Variants in LDAH observed in about 807,000 individuals in gnomAD.
LDAH encodes lipid droplet associated hydrolase, also known as lipid droplet-associated hydrolase.
In LDAH, 26 loss-of-function variants were observed where a neutral mutation model predicts 29.6. The ratio of observed to expected loss-of-function variants is 0.88; its 90% CI spans 0.64 to 1.22. The LOEUF is 1.22. LDAH is among the 50% of genes most tolerant of loss of function. The probability of loss-of-function intolerance (pLI) is 0.00; values close to 1 mark genes in which losing one functional copy is unlikely to be tolerated. For synonymous variants in LDAH, 117 were observed against 133.0 expected, an observed-to-expected ratio of 0.88 and a Z score of 0.83; for missense variants, 344 against 387.3, an observed-to-expected ratio of 0.89 and a Z score of 0.94.
At chr2:20,750,261 G>A (rs922586852) in intron 4 of LDAH, among the ~76,000 whole-genome samples, 2 of 152,070 alleles carry the variant, frequency 1.3e-5, no homozygotes, top group African/African-American at 4.8e-5. Context: ...CCTGACCTCA[G>A]GTGATCCACC....
In LDAH at chr2:20,771,430, A is replaced by G. The variant is rs116570976; in HGVS notation, c.468+3380T>C. On this transcript the variant is annotated intron_variant, in intron 4 of 6. Coordinates refer to ENST00000237822, the MANE Select transcript of LDAH (RefSeq NM_021925.4). ...TCATATGTTATAAAACATAATAGCTAACTTATTTTTGGCAAAATGATTAAG... is the reference window on the plus strand; with the variant it reads ...TCATATGTTATAAAACATAATAGCTGACTTATTTTTGGCAAAATGATTAAG... Among the ~76,000 whole-genome samples, 292 of 152,364 alleles carry G rather than the reference A, an allele frequency of 1.9e-3. 4 individuals are homozygous for G. Among genetic ancestry groups the G allele is most frequent in the Admixed American group, 2.3e-3 (35 of 15,308 alleles).
Position 20,790,251 on chromosome 2 carries a change from A to G in LDAH, c.298+4T>C, listed in dbSNP as rs766793181. The G allele has an allele frequency of 3.1e-6, 5 of 1,614,066 alleles. No homozygotes were observed. The highest frequency in any genetic ancestry group is 1.7e-5 in the Admixed American group (1 of 60,000). On this transcript the variant is annotated splice_donor_region_variant and intron_variant, in intron 3 of 6. Transcript: ENST00000237822. ...AAGGAAAGTAGATATTAACAAGGACATACCCTCTGATGTTGTAAGAATCTT... is the reference window on the plus strand; with the variant it reads ...AAGGAAAGTAGATATTAACAAGGACGTACCCTCTGATGTTGTAAGAATCTT...
At chr2:20,682,780 A>G (rs1224687552), downstream of LDAH, among the ~76,000 whole-genome samples, 1 of 152,178 alleles carries the variant, frequency 6.6e-6, no homozygotes, top group Non-Finnish European at 1.5e-5. Context: ...CGAACTTTGG[A>G]GGACATGTGC....
intron 5 of LDAH, among the ~76,000 whole-genome samples, chr2:20,715,803 C>T (rs1665135908): frequency 6.6e-6 from 1 of 152,030 alleles, no homozygotes; most frequent in Non-Finnish European, 1.5e-5. Flanking sequence ...GAATAAAATA[C>T]CTAGGAATAC....
At chr2:20,775,086 A>C (rs1031108931) in intron 3 of LDAH, 107 bp from the exon 4 acceptor site, 2 of 960,536 alleles carry the variant, frequency 2.1e-6, no homozygotes, top group African/African-American at 3.3e-5. Flanking sequence ...ATTTATCGAA[A>C]GCCTACAGTG....
chr2:20,820,225 A>G (rs1480750434), intron 1 of LDAH, among the ~76,000 whole-genome samples: 1 of 152,126 alleles, frequency 6.6e-6, no homozygotes, highest in East Asian at 1.9e-4. Context: ...ATCCCCATCA[A>G]GCTACCAATG....
At chr2:20,798,807 G>A (rs889979921) in intron 2 of LDAH, among the ~76,000 whole-genome samples, 2 of 151,092 alleles carry the variant, frequency 1.3e-5, no homozygotes, top group South Asian at 4.2e-4. Flanking sequence ...GCTTGAACCC[G>A]GGAGGCGGAG....
chr2:20,737,618 A>G (rs1188706219), intron 5 of LDAH, among the ~76,000 whole-genome samples: 1 of 152,176 alleles, frequency 6.6e-6, no homozygotes, highest in Non-Finnish European at 1.5e-5. Flanking sequence ...GAGGGGAAGT[A>G]ACTAAACAAA....
chr2:20,803,212 G>A (rs1032073744), intron 1 of LDAH, among the ~76,000 whole-genome samples: 1 of 152,144 alleles, frequency 6.6e-6, no homozygotes, highest in Admixed American at 6.5e-5. Flanking sequence ...TAATGCCAAG[G>A]CTGAAAAACA....
intron 5 of LDAH, among the ~76,000 whole-genome samples, chr2:20,739,318 C>A (rs1402034025): frequency 6.6e-6 from 1 of 151,362 alleles, no homozygotes; most frequent in Non-Finnish European, 1.5e-5. Flanking sequence ...TATTGTTATC[C>A]CCACATTATA....
At chr2:20,737,975 C>T (rs184136203) in intron 5 of LDAH, among the ~76,000 whole-genome samples, 1 of 151,910 alleles carries the variant, frequency 6.6e-6, no homozygotes, top group Non-Finnish European at 1.5e-5. Flanking sequence ...ATTCTTGGGC[C>T]GGACATGGTG....
chr2:20,757,313 A>G (rs948932316), intron 4 of LDAH, among the ~76,000 whole-genome samples: 3 of 152,194 alleles, frequency 2.0e-5, no homozygotes, highest in Non-Finnish European at 4.4e-5. Flanking sequence ...CTAGGCTTTC[A>G]GTGGAAACTA....
rs1662608484 is a variant in LDAH, at chr2:20,687,027, T to A, written c.854A>T (p.Asp285Val). The stretch of plus-strand genomic sequence containing the variant: ...GAGTCGAATGTCTCCTTCTGGAAAA[T>A]CCTTCTTAATGTCTTCATAGTACTC... Reference protein sequence around the residue: ...PKEYYEDIKKDFPEGDIRLCE... With the variant: ...PKEYYEDIKKVFPEGDIRLCE... The change falls in exon 7 of 7, where the codon GAT (aspartate) becomes GTT (valine). Residue 285 changes from aspartate (D) to valine (V), a missense_variant. Physicochemically the swap from Asp to Val is radical, Grantham distance 152. Transcript: ENST00000237822. The A allele has an allele frequency of 6.2e-7, 1 of 1,614,032 alleles. No homozygotes were observed.
At chr2:20,703,999 G>C (rs1192643036) in intron 5 of LDAH, among the ~76,000 whole-genome samples, 1 of 152,194 alleles carries the variant, frequency 6.6e-6, no homozygotes, top group Non-Finnish European at 1.5e-5. Context: ...TAGGAGATAA[G>C]TCTGTGCAGT....
chr2:20,781,303 A>G (rs1230660256), intron 3 of LDAH, among the ~76,000 whole-genome samples: 3 of 152,172 alleles, frequency 2.0e-5, no homozygotes, highest in Admixed American at 6.5e-5. Flanking sequence ...ATTATATTCA[A>G]CTTATGATTG....
intron 5 of LDAH, among the ~76,000 whole-genome samples, chr2:20,730,387 A>G (rs901576931): frequency 6.6e-6 from 1 of 152,154 alleles, no homozygotes; most frequent in Non-Finnish European, 1.5e-5. Context: ...TAACTGTCAA[A>G]CTGCTTTCCA....
intron 6 of LDAH, among the ~76,000 whole-genome samples, chr2:20,688,850 T>C (rs1662777261): frequency 1.1e-5 from 1 of 87,672 alleles, no homozygotes; most frequent in Non-Finnish European, 2.6e-5. Context: ...TTTTTTTTTT[T>C]TTTAATTATA....
At chr2:20,740,260 A>AT in intron 4 of LDAH, 55 bp from the exon 5 acceptor site, 1 of 1,159,230 alleles carries the variant, frequency 8.6e-7, no homozygotes, top group South Asian at 1.3e-5. Flanking sequence ...TAGGTCCATT[A>AT]CTTATTGTCT....
At chr2:20,734,884 G>A (rs1666670877) in intron 5 of LDAH, among the ~76,000 whole-genome samples, 1 of 152,070 alleles carries the variant, frequency 6.6e-6, no homozygotes, top group South Asian at 2.1e-4. Context: ...CTTCTTTCCT[G>A]AAAGACACTT....
Sources: allele counts gnomAD v4.1 joint callset (sites outside exome capture counted in the v4.1 genomes callset), GRCh38; gene constraint gnomAD v4.1.1; transcripts MANE v1.5; gene names NCBI Gene and HGNC (gene_info 2026-07-23, HGNC 2026-07-21).